TCF20: variants seen among roughly 807,000 people sequenced by gnomAD.
TCF20 encodes the protein transcription factor 20, also known as SPRE-binding protein.
In TCF20, 3 loss-of-function variants were observed where a neutral mutation model predicts 148.6. The ratio of observed to expected loss-of-function variants is 0.02; its 90% CI spans 0.01 to 0.05. TCF20 has a LOEUF of 0.05. TCF20 is among the 10% of genes least tolerant of loss of function. The pLI, the probability that TCF20 is intolerant of heterozygous loss-of-function variation, is 1.00. For missense variants in TCF20, 2,350 were observed against 2,429.3 expected (o/e 0.97, Z 0.69); for synonymous variants, 1,049 against 909.5 (o/e 1.15, Z -2.76).
chr22:42,236,062 C>T (rs971371548), intron 1 of TCF20, among the ~76,000 whole-genome samples: 15 of 152,108 alleles, frequency 9.9e-5, no homozygotes, highest in African/African-American at 3.4e-4. Flanking sequence ...GGCATGGTGG[C>T]AGGCACCTGT....
At chr22:42,227,565 T>C (rs1200855403) in intron 1 of TCF20, among the ~76,000 whole-genome samples, 1 of 152,212 alleles carries the variant, frequency 6.6e-6, no homozygotes, top group Admixed American at 6.5e-5. Context: ...ATCCAATCCA[T>C]AGACCCCATT....
Position 42,214,131 on chromosome 22 carries a change from G to A in TCF20, c.1175C>T (p.Thr392Ile). ...TTGCCCACACTGGAGATTCTCCCCA[G>A]TCTGCATGAGAGGAGATGGGGTAGA... The part of the protein sequence containing the change: ...CSSTPSPLMQ[T>I]GENLQCGQGS... The change falls in exon 2 of 6, where the codon ACT becomes ATT. Residue 392 changes from threonine to isoleucine, a missense_variant. Physicochemically the swap from Thr to Ile is moderately conservative, Grantham distance 89. This residue lies in a region of TCF20 where 1,641 missense variants were observed against 1,662.6 expected (regional missense o/e 0.99). Coordinates refer to ENST00000677622, the MANE Select transcript of TCF20 (RefSeq NM_001378418.1). The A allele has an allele frequency of 6.2e-7, 1 of 1,614,236 alleles. No homozygotes were observed. Among genetic ancestry groups the A allele is most frequent in the Non-Finnish European group, 8.5e-7 (1 of 1,180,046 alleles).
intron 2 of TCF20, among the ~76,000 whole-genome samples, chr22:42,197,265 CAA>C (rs1937639265): frequency 6.6e-6 from 1 of 151,678 alleles, no homozygotes; most frequent in African/African-American, 2.4e-5. Context: ...TGATTTCCAG[CAA>C]AGTTAGTTTT....
intron 1 of TCF20, among the ~76,000 whole-genome samples, chr22:42,250,446 CAAAAA>C (rs35668152): frequency 1.3e-5 from 1 of 76,284 alleles, no homozygotes. Context: ...AACTCCATCT[CAAAAA>C]AAAAAAAAAA....
rs996466107 is a variant in TCF20, at chr22:42,292,809, C to T, written c.-37+50670G>A. ...AGGGCCGGCCGAGCACTAGCCCAGGCCCAGGAGAATCTACTGAATGACCGG... is the reference window on the plus strand; with the variant it reads ...AGGGCCGGCCGAGCACTAGCCCAGGTCCAGGAGAATCTACTGAATGACCGG... On this transcript the variant is annotated intron_variant, in intron 1 of 1. Coordinates refer to the TCF20 transcript ENST00000515426. This position sits in a 1 kb window ranked among gnomAD's most constrained non-coding sequence, Gnocchi z 4.9. 1.6e-4 allele frequency among the ~76,000 whole-genome samples: 25 copies of T among 151,628 alleles called. 2 individuals are homozygous for T. Among genetic ancestry groups the T allele is most frequent in the Admixed American group, 1.4e-3 (22 of 15,194 alleles).
chr22:42,310,194 C>A (rs1341785746), intron 1 of TCF20, among the ~76,000 whole-genome samples: 1 of 152,200 alleles, frequency 6.6e-6, no homozygotes. Context: ...GCCTGCCACA[C>A]TGAGGAGTTT....
intron 1 of TCF20, among the ~76,000 whole-genome samples, chr22:42,321,311 G>C (rs1927729350): frequency 6.6e-6 from 1 of 152,192 alleles, no homozygotes; most frequent in African/African-American, 2.4e-5. Context: ...CACAAGGGTG[G>C]CTCCAGCAGG....
At chr22:42,197,364 C>T (rs1435804824) in intron 2 of TCF20, among the ~76,000 whole-genome samples, 2 of 150,860 alleles carry the variant, frequency 1.3e-5, no homozygotes, top group Non-Finnish European at 3.0e-5. Flanking sequence ...GCTGTGTCGC[C>T]CAGGCTGGAG....
Position 42,214,732 on chromosome 22 carries a change from G to T in TCF20, c.574C>A (p.Gln192Lys), listed in dbSNP as rs749973635. ...QLRQQLYQSH[Q>K]PLPQATGQPA... ...TGGCCAGTGGCCTGTGGCAGGGGCTGATGGGACTGGTAAAGCTGTTGTCTC... is the reference window on the plus strand; with the variant it reads ...TGGCCAGTGGCCTGTGGCAGGGGCTTATGGGACTGGTAAAGCTGTTGTCTC... The change falls in exon 2 of 6, where the codon CAG becomes AAG. Residue 192 changes from glutamine (Q) to lysine (K), a missense_variant. Gln to Lys is a moderately conservative substitution (Grantham distance 53, BLOSUM62 1). Coordinates refer to ENST00000677622, the MANE Select transcript of TCF20 (RefSeq NM_001378418.1). The T allele has an allele frequency of 6.2e-7, 1 of 1,614,162 alleles. No individual in the cohort carries two copies. The highest frequency in any genetic ancestry group is 1.1e-5 in the South Asian group (1 of 91,090).
intron 2 of TCF20, among the ~76,000 whole-genome samples, chr22:42,181,033 T>TA (rs1479386413): frequency 6.6e-6 from 1 of 152,174 alleles, no homozygotes; most frequent in East Asian, 1.9e-4. Context: ...TGGTCTGGAG[T>TA]AAACCAAGGA....
Position 42,212,865 on chromosome 22 carries a change from T to C in TCF20, c.2441A>G (p.Asn814Ser). 4 of 1,614,128 alleles carry C rather than the reference T, an allele frequency of 2.5e-6. No homozygotes were observed. In the South Asian group the frequency reaches 3.3e-5, roughly 13 times the overall value. ...CCTTTCCCAGGGGCCCCAGTGGGGA[T>C]TTTCTAATAGAGACCCAATGCTTTT... ...LNKSIGSLLE[N>S]PHWGPWERKS... The change falls in exon 2 of 6, where the codon AAT (asparagine) becomes AGT (serine). Residue 814 changes from asparagine to serine, a missense_variant. Coordinates refer to ENST00000677622, the MANE Select transcript of TCF20 (RefSeq NM_001378418.1).
In TCF20 at chr22:42,214,339, G is replaced by T. The variant is rs775132778; in HGVS notation, c.967C>A (p.His323Asn). Residue 323 changes from histidine (H) to asparagine (N), a missense_variant, in exon 2 of 6, where the codon CAC (histidine) becomes AAC (asparagine). By Grantham distance (68) the His-to-Asn change is moderately conservative. Transcript: ENST00000677622. ...QQQQQPQQQQHPSQHVMQYTN... is the reference protein window; with the variant it reads ...QQQQQPQQQQNPSQHVMQYTN... ...TACTGCATCACATGCTGAGAAGGGT[G>T]TTGTTGTTGCTGCGGTTGCTGCTGC... The T allele has an allele frequency of 1.2e-6, 2 of 1,609,660 alleles. No homozygotes were observed. The highest frequency in any genetic ancestry group is 1.7e-6 in the Non-Finnish European group (2 of 1,176,042).
intron 1 of TCF20, among the ~76,000 whole-genome samples, chr22:42,268,999 T>A (rs1406465559): frequency 2.6e-5 from 4 of 152,238 alleles, no homozygotes; most frequent in Non-Finnish European, 5.9e-5. Context: ...CTGTACCGTC[T>A]GACCCGGGAG....
At chr22:42,203,673 G>T (rs1938193191) in intron 2 of TCF20, among the ~76,000 whole-genome samples, 1 of 152,196 alleles carries the variant, frequency 6.6e-6, no homozygotes, top group African/African-American at 2.4e-5. Flanking sequence ...CATGGGAACA[G>T]GGCGCCACCG....
chr22:42,340,655 A>C (rs1928147680), intron 1 of TCF20, among the ~76,000 whole-genome samples: 1 of 152,052 alleles, frequency 6.6e-6, no homozygotes, highest in African/African-American at 2.4e-5. Context: ...CCCTGAGAGC[A>C]CAACCATGCC....
intron 1 of TCF20, among the ~76,000 whole-genome samples, chr22:42,224,402 G>A (rs1940534393): frequency 6.6e-6 from 1 of 151,706 alleles, no homozygotes; most frequent in Non-Finnish European, 1.5e-5. Flanking sequence ...AACCTGGGAG[G>A]CAGAGATTGC....
At chr22:42,217,693 A>G (rs1384809001) in intron 1 of TCF20, among the ~76,000 whole-genome samples, 1 of 152,182 alleles carries the variant, frequency 6.6e-6, no homozygotes, top group Non-Finnish European at 1.5e-5. Flanking sequence ...TGAAAATAGA[A>G]TATGATCAAC....
chr22:42,262,208 C>T (rs760210953), intron 1 of TCF20, among the ~76,000 whole-genome samples: 1 of 152,082 alleles, frequency 6.6e-6, no homozygotes, highest in Non-Finnish European at 1.5e-5. Flanking sequence ...GACTCTTGGC[C>T]GCTCTGGGTG....
chr22:42,232,452 TAGAA>T (rs1365853963), intron 1 of TCF20, among the ~76,000 whole-genome samples: 1 of 151,790 alleles, frequency 6.6e-6, no homozygotes, highest in African/African-American at 2.4e-5. Context: ...AGATGAAAAT[TAGAA>T]AGACGACTGA....
Sources: gnomAD v4.1 joint callset for allele counts (sites outside exome capture counted in the v4.1 genomes callset) on GRCh38, gnomAD v4.1.1 for gene constraint, gnomAD v4.1.1 regional missense constraint, Gnocchi (gnomAD v3.1) non-coding constraint, MANE v1.5 for transcripts, NCBI Gene and HGNC (gene_info 2026-07-23, HGNC 2026-07-21) for gene names.